MSRB3: variants seen among roughly 807,000 people sequenced by gnomAD.
MSRB3 encodes methionine sulfoxide reductase B3, also known as methionine-R-sulfoxide reductase B3.
In MSRB3, 13 loss-of-function variants were observed where a neutral mutation model predicts 21.0. The observed-to-expected ratio is 0.62, with a 90% CI of 0.40 to 0.98. The LOEUF is 0.98. MSRB3 is among the 50% of genes least tolerant of loss of function. MSRB3 has a pLI of 0.00. For synonymous variants in MSRB3, 87 were observed against 88.6 expected (o/e 0.98, Z 0.10); for missense variants, 199 against 230.3 (o/e 0.86, Z 0.88).
intron 2 of MSRB3, among the ~76,000 whole-genome samples, chr12:65,319,620 A>G (rs1315576720): frequency 6.6e-6 from 1 of 152,244 alleles, no homozygotes; most frequent in Non-Finnish European, 1.5e-5. Flanking sequence ...CAGGAACACT[A>G]CCTTATTTAT....
Position 65,466,790 on chromosome 12 carries a change from A to G in MSRB3, c.*3468A>G, listed in dbSNP as rs184851040. The G allele has an allele frequency of 6.6e-6, 1 of 152,356 alleles. No individual in the cohort carries two copies. Among genetic ancestry groups the G allele is most frequent in the East Asian group, 1.9e-4 (1 of 5,192 alleles). 9.4% of individuals were successfully genotyped at this position (152,356 alleles called of 1,614,324 possible). A position where few individuals can be genotyped will look rare whatever the true frequency, so the allele number is the denominator to read the frequency against. On this transcript the variant is annotated 3_prime_UTR_variant, in exon 7 of 7. Coordinates refer to ENST00000308259, the MANE Select transcript of MSRB3 (RefSeq NM_001031679.3). ...TATTTTTGCCTTAGATAGCTTTGTA[A>G]TAATTTTTCTCCAGACAGTTCAACA...
chr12:65,353,880 T>C (rs1877207376), intron 4 of MSRB3, among the ~76,000 whole-genome samples: 1 of 152,054 alleles, frequency 6.6e-6, no homozygotes, highest in Admixed American at 6.6e-5. Flanking sequence ...TTCCTTTTCA[T>C]GTTTAGTGCT....
chr12:65,364,139 G>T (rs1366035316), intron 4 of MSRB3, among the ~76,000 whole-genome samples: 1 of 152,118 alleles, frequency 6.6e-6, no homozygotes, highest in Non-Finnish European at 1.5e-5. Flanking sequence ...TCACATTCCA[G>T]CCAGTGGCAA....
chr12:65,356,639 G>A (rs1200830077), intron 4 of MSRB3, among the ~76,000 whole-genome samples: 2 of 151,856 alleles, frequency 1.3e-5, no homozygotes, highest in African/African-American at 4.8e-5. Context: ...TAGAAAGATA[G>A]AATGTTCTAT....
At chr12:65,287,336 C>T (rs1234885806) in intron 1 of MSRB3, among the ~76,000 whole-genome samples, 1 of 151,942 alleles carries the variant, frequency 6.6e-6, no homozygotes, top group Non-Finnish European at 1.5e-5. Context: ...CTATGTTTCC[C>T]AGGTAGGTCT....
At chr12:65,300,873 T>A (rs1873287925) in intron 1 of MSRB3, among the ~76,000 whole-genome samples, 1 of 152,162 alleles carries the variant, frequency 6.6e-6, no homozygotes, top group South Asian at 2.1e-4. Flanking sequence ...GTACTCTGGC[T>A]TGGAAGCAAT....
intron 5 of MSRB3, among the ~76,000 whole-genome samples, chr12:65,398,784 A>T (rs1215256827): frequency 6.6e-6 from 1 of 152,124 alleles, no homozygotes. Context: ...TAATTTTTGT[A>T]TAAGGTGTAA....
At chr12:65,348,442 C>CA (rs1322734085) in intron 4 of MSRB3, among the ~76,000 whole-genome samples, 6 of 152,048 alleles carry the variant, frequency 3.9e-5, no homozygotes. Context: ...TCCCCTTTAT[C>CA]ATTTTTTTAT....
intron 1 of MSRB3, among the ~76,000 whole-genome samples, chr12:65,288,055 A>G (rs541610296): frequency 1.3e-5 from 2 of 152,218 alleles, no homozygotes; most frequent in South Asian, 4.2e-4. Context: ...CTGTAATCTC[A>G]GCACTTTGGG....
chr12:65,304,715 A>G lies in MSRB3; in HGVS notation c.-51-3814A>G, dbSNP rs1873545706. On this transcript the variant is annotated intron_variant, in intron 1 of 6. Transcript: ENST00000308259. ...GATTTCTACAGGGTGTTTAATGCTA[A>G]GCTTTTGCTTTCAGGACTAGGATTG... Among the ~76,000 whole-genome samples, 4 of 152,336 alleles carry G rather than the reference A, an allele frequency of 2.6e-5. No homozygotes were observed. In the South Asian group the frequency reaches 8.3e-4, roughly 32 times the overall value.
At chr12:65,451,709 G>A (rs74434702) in intron 5 of MSRB3, among the ~76,000 whole-genome samples, 3,535 of 152,198 alleles carry the variant, frequency 0.023, 164 homozygotes, top group African/African-American at 0.082. Flanking sequence ...GAGCCACGTT[G>A]GACAGTGCAG....
intron 4 of MSRB3, among the ~76,000 whole-genome samples, chr12:65,356,448 G>A (rs895092329): frequency 6.6e-6 from 1 of 151,758 alleles, no homozygotes; most frequent in African/African-American, 2.4e-5. Context: ...TTTATACAAT[G>A]TGAGGGGACT....
At chr12:65,333,867 A>G (rs1875588576) in intron 4 of MSRB3, among the ~76,000 whole-genome samples, 1 of 152,218 alleles carries the variant, frequency 6.6e-6, no homozygotes, top group Non-Finnish European at 1.5e-5. Context: ...CCGGCACATA[A>G]TAATCACCAA....
rs1883516817 is a variant in MSRB3 at position 65,465,326 on chromosome 12, G to A, written c.*2004G>A. On this transcript the variant is annotated 3_prime_UTR_variant, in exon 7 of 7. Coordinates refer to ENST00000308259, the MANE Select transcript of MSRB3 (RefSeq NM_001031679.3). ...ATGGTGTGTGACGAATGTACATCAT[G>A]TTTGTAGGTTTGGATGCTAATCTTG... 1 of 152,190 alleles carries A rather than the reference G, an allele frequency of 6.6e-6. No individual in the cohort carries two copies. The highest frequency in any genetic ancestry group is 1.5e-5 in the Non-Finnish European group (1 of 68,038). 9.4% of individuals were successfully genotyped at this position (152,190 alleles called of 1,614,324 possible). A position where few individuals can be genotyped will look rare whatever the true frequency, so the allele number is the denominator to read the frequency against.
At chr12:65,279,728 TGGG>T (rs368651018) in intron 1 of MSRB3, among the ~76,000 whole-genome samples, 4 of 152,164 alleles carry the variant, frequency 2.6e-5, no homozygotes, top group South Asian at 2.1e-4. Context: ...TGGGAACTGT[TGGG>T]GGGAATTTAA....
At chr12:65,292,235 T>C (rs1188528407) in intron 1 of MSRB3, among the ~76,000 whole-genome samples, 1 of 152,222 alleles carries the variant, frequency 6.6e-6, no homozygotes, top group East Asian at 1.9e-4. Flanking sequence ...AATTGTCTTT[T>C]CTCTTGGTTT....
At chr12:65,408,258 C>T (rs1235002779) in intron 5 of MSRB3, among the ~76,000 whole-genome samples, 1 of 152,082 alleles carries the variant, frequency 6.6e-6, no homozygotes, top group East Asian at 1.9e-4. Flanking sequence ...CTATGCCCAG[C>T]TAATTTTTGT....
intron 4 of MSRB3, among the ~76,000 whole-genome samples, chr12:65,352,065 T>A (rs1417932096): frequency 6.6e-6 from 1 of 152,026 alleles, no homozygotes; most frequent in Non-Finnish European, 1.5e-5. Context: ...AAATCCTCAA[T>A]AAAATACTGG....
intron 5 of MSRB3, among the ~76,000 whole-genome samples, chr12:65,371,620 C>CCA (rs547979176): frequency 6.6e-6 from 1 of 151,588 alleles, no homozygotes; most frequent in Admixed American, 6.6e-5. Flanking sequence ...CACACCCCCA[C>CCA]CACACACACA....
Sources: gnomAD v4.1 joint callset for allele counts (sites outside exome capture counted in the v4.1 genomes callset) on GRCh38, gnomAD v4.1.1 for gene constraint, MANE v1.5 for transcripts, NCBI Gene and HGNC (gene_info 2026-07-23, HGNC 2026-07-21) for gene names.